Variants in PDE4D observed in about 807,000 individuals in gnomAD.
PDE4D encodes phosphodiesterase 4D, also known as 3',5'-cyclic-AMP phosphodiesterase 4D.
In PDE4D, 24 loss-of-function variants were observed where a neutral mutation model predicts 87.4. The ratio of observed to expected loss-of-function variants is 0.27; its 90% CI spans 0.20 to 0.39. PDE4D has a LOEUF of 0.39. PDE4D is among the 10% of genes least tolerant of loss of function. PDE4D has a pLI of 1.00. For synonymous variants in PDE4D, 384 were observed against 383.2 expected (o/e 1.00, Z -0.02); for missense variants, 714 against 1,041.0 (o/e 0.69, Z 4.32).
intron 2 of PDE4D, among the ~76,000 whole-genome samples, chr5:60,132,618 A>G (rs749246280): frequency 3.3e-5 from 5 of 152,230 alleles, no homozygotes; most frequent in Non-Finnish European, 5.9e-5. Context: ...AATACACAAG[A>G]TACTTTCTGG....
At chr5:59,559,138 G>A (rs1351057270) in intron 1 of PDE4D, among the ~76,000 whole-genome samples, 1 of 152,148 alleles carries the variant, frequency 6.6e-6, no homozygotes, top group African/African-American at 2.4e-5. Flanking sequence ...TATTAAATGA[G>A]TCTATTAGCA....
At chr5:59,927,696 A>G (rs1372786637) in intron 3 of PDE4D, among the ~76,000 whole-genome samples, 1 of 152,210 alleles carries the variant, frequency 6.6e-6, no homozygotes, top group Non-Finnish European at 1.5e-5. Context: ...GTAAATGGGA[A>G]ACATATGGAA....
At chr5:59,447,531 C>T (rs912652939) in intron 1 of PDE4D, among the ~76,000 whole-genome samples, 3 of 152,210 alleles carry the variant, frequency 2.0e-5, no homozygotes, top group Non-Finnish European at 4.4e-5. Flanking sequence ...AAGCACAATA[C>T]AGTGTACAAA....
At chr5:60,378,867 AAAAG>A (rs929976291) in intron 1 of PDE4D, among the ~76,000 whole-genome samples, 63 of 151,888 alleles carry the variant, frequency 4.1e-4, no homozygotes, top group African/African-American at 1.4e-3. Flanking sequence ...ACTAAAAAGA[AAAAG>A]AAAGAAAGAA....
intron 3 of PDE4D, among the ~76,000 whole-genome samples, chr5:59,919,715 C>T (rs898978348): frequency 2.6e-5 from 4 of 152,248 alleles, no homozygotes; most frequent in Admixed American, 6.5e-5. Flanking sequence ...TATTTTTCTT[C>T]GGCCCTCAGG....
chr5:59,946,864 T>C (rs1581858525), intron 3 of PDE4D, among the ~76,000 whole-genome samples: 1 of 152,360 alleles, frequency 6.6e-6, no homozygotes, highest in East Asian at 1.9e-4. Context: ...AACCGAGTTG[T>C]GTATTACATT....
rs142087709 is a variant in PDE4D at position 59,812,866 on chromosome 5, T to C, written c.455+80302A>G. Among the ~76,000 whole-genome samples the C allele has an allele frequency of 4.4e-3, 673 of 152,270 alleles. 21 individuals carry two copies. The highest frequency in any genetic ancestry group is 0.041 in the Admixed American group (628 of 15,302). ...CTGTCTCTGCCAGTAATATACACAATTGAAGGGATGCCAGAGGGCAAGCAC... is the reference window on the plus strand; with the variant it reads ...CTGTCTCTGCCAGTAATATACACAACTGAAGGGATGCCAGAGGGCAAGCAC... On this transcript the variant is annotated intron_variant, in intron 1 of 14. Transcript: ENST00000340635.
At chr5:59,580,565 C>T (rs1016668107) in intron 1 of PDE4D, among the ~76,000 whole-genome samples, 5 of 151,992 alleles carry the variant, frequency 3.3e-5, no homozygotes, top group Admixed American at 1.3e-4. Context: ...CTTCTGAATT[C>T]AAGAGACACT....
At chr5:60,378,895 G>GAGAAAGAA (rs527943468) in intron 1 of PDE4D, among the ~76,000 whole-genome samples, 2 of 151,878 alleles carry the variant, frequency 1.3e-5, no homozygotes, top group South Asian at 2.1e-4. Context: ...GAGAGAGAGA[G>GAGAAAGAA]AGAAAGAAAG....
At chr5:59,081,205 T>C (rs1032371039) in intron 5 of PDE4D, among the ~76,000 whole-genome samples, 1 of 152,086 alleles carries the variant, frequency 6.6e-6, no homozygotes, top group African/African-American at 2.4e-5. Flanking sequence ...TTTAAAACCA[T>C]CAAAATGGAT....
intron 1 of PDE4D, among the ~76,000 whole-genome samples, chr5:60,347,667 A>G (rs1236781159): frequency 6.6e-6 from 1 of 152,142 alleles, no homozygotes; most frequent in Non-Finnish European, 1.5e-5. Flanking sequence ...ACCAAAATCA[A>G]TGAGAAAGCA....
chr5:59,367,033 C>T (rs1463143145), intron 1 of PDE4D, among the ~76,000 whole-genome samples: 2 of 152,176 alleles, frequency 1.3e-5, no homozygotes, highest in South Asian at 2.1e-4. Flanking sequence ...ACTGCAGAAT[C>T]GTGGAAGAAG....
intron 1 of PDE4D, among the ~76,000 whole-genome samples, chr5:59,544,700 TG>T (rs1261851626): frequency 6.6e-6 from 1 of 152,124 alleles, no homozygotes; most frequent in Non-Finnish European, 1.5e-5. Flanking sequence ...CAGTGAGTAG[TG>T]GGGAGAAGGG....
At chr5:60,416,970 CTG>C (rs1742652697) in intron 1 of PDE4D, among the ~76,000 whole-genome samples, 1 of 152,240 alleles carries the variant, frequency 6.6e-6, no homozygotes, top group African/African-American at 2.4e-5. Flanking sequence ...ACTAATCACA[CTG>C]TGCGATTCCA....
chr5:60,088,500 A>T (rs1040797353), intron 2 of PDE4D, among the ~76,000 whole-genome samples: 3 of 152,038 alleles, frequency 2.0e-5, no homozygotes, highest in African/African-American at 4.8e-5. Flanking sequence ...GTAAATTGAA[A>T]CAGCAATAAG....
chr5:59,474,198 G>A (rs1261204155), intron 1 of PDE4D, among the ~76,000 whole-genome samples: 3 of 152,046 alleles, frequency 2.0e-5, no homozygotes, highest in Admixed American at 6.6e-5. Context: ...TTACATTCCT[G>A]CTAGTATTTT....
intron 1 of PDE4D, among the ~76,000 whole-genome samples, chr5:59,375,368 C>T: frequency 6.6e-6 from 1 of 151,928 alleles, no homozygotes; most frequent in Non-Finnish European, 1.5e-5. Context: ...TACCACTGAC[C>T]CCACAGAAAT....
At chr5:60,350,929 C>T (rs1490665461) in intron 1 of PDE4D, among the ~76,000 whole-genome samples, 1 of 152,032 alleles carries the variant, frequency 6.6e-6, no homozygotes, top group East Asian at 1.9e-4. Flanking sequence ...GAACATGAGC[C>T]AAGGTTCAGA....
chr5:59,858,255 T>C (rs1309975289), intron 1 of PDE4D, among the ~76,000 whole-genome samples: 2 of 152,078 alleles, frequency 1.3e-5, no homozygotes, highest in East Asian at 3.9e-4. Flanking sequence ...CTTGATGCTC[T>C]CATAGTTCAA....
Sources: gnomAD v4.1 joint callset for allele counts (sites outside exome capture counted in the v4.1 genomes callset) on GRCh38, gnomAD v4.1.1 for gene constraint, MANE v1.5 for transcripts, NCBI Gene and HGNC (gene_info 2026-07-23, HGNC 2026-07-21) for gene names.